The following UVRAG variants were observed in gnomAD, a reference collection of about 807,000 sequenced individuals.
UVRAG encodes the protein UV radiation resistance associated, also known as UV radiation resistance-associated gene protein.
UVRAG carries 19 observed loss-of-function variants against 78.0 expected under a neutral mutation model. The ratio of observed to expected loss-of-function variants is 0.24; its 90% CI spans 0.17 to 0.36. The LOEUF (loss-of-function observed/expected upper bound fraction) is 0.36, where lower values mean the gene tolerates loss of function less well. UVRAG is among the 10% of genes least tolerant of loss of function. The pLI, the probability that UVRAG is intolerant of heterozygous loss-of-function variation, is 1.00. For missense variants in UVRAG, 740 were observed against 853.8 expected, an observed-to-expected ratio of 0.87 and a Z score of 1.66; for synonymous variants, 323 against 324.6, an observed-to-expected ratio of 1.00 and a Z score of 0.05.
intron 1 of UVRAG, among the ~76,000 whole-genome samples, chr11:75,844,928 A>G (rs1946002947): frequency 6.6e-6 from 1 of 152,218 alleles, no homozygotes; most frequent in Non-Finnish European, 1.5e-5. Context: ...GGCCTCCCAA[A>G]GTGCTGGGAT....
chr11:75,995,252 G>C (rs946671382), intron 8 of UVRAG, among the ~76,000 whole-genome samples: 1 of 151,162 alleles, frequency 6.6e-6, no homozygotes, highest in Non-Finnish European at 1.5e-5. Context: ...AAGCCATTTG[G>C]TGGGAATGAC....
At chr11:76,012,122 G>T (rs769815119) in intron 11 of UVRAG, among the ~76,000 whole-genome samples, 7 of 152,010 alleles carry the variant, frequency 4.6e-5, no homozygotes, top group Non-Finnish European at 1.0e-4. Context: ...GGAGTTTGAG[G>T]CTGTAGTGAG....
chr11:75,880,928 CTTT>C (rs773034018), intron 4 of UVRAG, among the ~76,000 whole-genome samples: 65 of 87,696 alleles, frequency 7.4e-4, no homozygotes, highest in African/African-American at 2.1e-3. Context: ...TTATTTACTT[CTTT>C]TTTTTTTTTT....
At chr11:76,026,197 C>A (rs970879820) in intron 12 of UVRAG, among the ~76,000 whole-genome samples, 1 of 152,086 alleles carries the variant, frequency 6.6e-6, no homozygotes, top group Non-Finnish European at 1.5e-5. Flanking sequence ...TAGTGAGTGG[C>A]ACCCAGAATT....
intron 9 of UVRAG, among the ~76,000 whole-genome samples, chr11:76,006,660 CAAAAAAAAAAAAAAA>C (rs762221601): frequency 4.8e-5 from 3 of 62,370 alleles, no homozygotes; most frequent in African/African-American, 2.3e-4. Flanking sequence ...GACCCCGTCT[CAAAAAAAAAAAAAAA>C]AAAAAAAAAA....
chr11:76,116,928 T>TA (rs1234427773), intron 14 of UVRAG, among the ~76,000 whole-genome samples: 1 of 152,230 alleles, frequency 6.6e-6, no homozygotes, highest in East Asian at 1.9e-4. Context: ...TGTCTGGTCT[T>TA]AGATAGGACT....
Position 75,897,234 on chromosome 11 carries a change from T to TGAAAGCCTGAAC in UVRAG, c.507+8332_507+8343dup, listed in dbSNP as rs370405594. Among the ~76,000 whole-genome samples the TGAAAGCCTGAAC allele has an allele frequency of 4.9e-3, 745 of 152,312 alleles. 3 individuals carry two copies. The highest frequency in any genetic ancestry group is 0.016 in the African/African-American group (680 of 41,562). ...GTATAAAAAGTTTCAGGATCTGTTT[T>TGAAAGCCTGAAC]GAAAGCCTGAACAAATGAAAACTCC... On this transcript the variant is annotated intron_variant, in intron 5 of 14. Coordinates refer to ENST00000356136, the MANE Select transcript of UVRAG (RefSeq NM_003369.4).
chr11:75,954,211 G>A (rs751827766), intron 6 of UVRAG, among the ~76,000 whole-genome samples: 7 of 152,182 alleles, frequency 4.6e-5, no homozygotes, highest in Non-Finnish European at 8.8e-5. Flanking sequence ...TGGAGGAAAT[G>A]TGACTCTGTC....
At chr11:76,033,881 C>T (rs544501916) in intron 12 of UVRAG, among the ~76,000 whole-genome samples, 4 of 152,210 alleles carry the variant, frequency 2.6e-5, no homozygotes, top group African/African-American at 9.6e-5. Context: ...AAACTCTCAT[C>T]CTTTGCTTGT....
chr11:75,837,792 TCTCC>T (rs1445965511), intron 1 of UVRAG: 2 of 152,232 alleles, frequency 1.3e-5, no homozygotes, highest in African/African-American at 4.8e-5. Context: ...TTTATAATTC[TCTCC>T]TATATATTCC....
At position 76,144,202 on chromosome 11, in the gene UVRAG, G is replaced by C. The variant is rs181759829; in HGVS notation, c.*2789G>C. On this transcript the variant is annotated 3_prime_UTR_variant, in exon 15 of 15. Coordinates refer to ENST00000356136, the MANE Select transcript of UVRAG (RefSeq NM_003369.4). ...GTAACTGGAAGAAAACTCAGCATCT[G>C]TATTTATACAATAAAATTGATTAGT... Among the ~76,000 whole-genome samples, 16 of 152,322 alleles carry C rather than the reference G, an allele frequency of 1.1e-4. No homozygotes were observed. The highest frequency in any genetic ancestry group is 3.8e-4 in the African/African-American group (16 of 41,574).
intron 12 of UVRAG, among the ~76,000 whole-genome samples, chr11:76,065,109 G>A (rs143072944): frequency 1.9e-3 from 295 of 152,276 alleles, no homozygotes; most frequent in African/African-American, 6.7e-3. Flanking sequence ...GCTCCAGTGA[G>A]GCAGGTTAAA....
At chr11:75,906,159 C>A (rs142795723) in intron 5 of UVRAG, among the ~76,000 whole-genome samples, 91 of 152,186 alleles carry the variant, frequency 6.0e-4, no homozygotes, top group African/African-American at 2.0e-3. Context: ...TCTTTTTCTA[C>A]TTAATTGATA....
intron 14 of UVRAG, among the ~76,000 whole-genome samples, chr11:76,117,584 A>T (rs1952204197): frequency 6.6e-6 from 1 of 152,258 alleles, no homozygotes; most frequent in South Asian, 2.1e-4. Context: ...GCTACTTGGA[A>T]AATGGGGCTT....
chr11:75,885,152 G>A (rs1013090815), intron 4 of UVRAG, among the ~76,000 whole-genome samples: 1 of 151,664 alleles, frequency 6.6e-6, no homozygotes, highest in African/African-American at 2.4e-5. Context: ...TTTTTTGCTA[G>A]TATATGTAGA....
chr11:75,863,450 C>T (rs1946466523), intron 3 of UVRAG, among the ~76,000 whole-genome samples: 1 of 152,040 alleles, frequency 6.6e-6, no homozygotes, highest in East Asian at 1.9e-4. Flanking sequence ...TTTTAATATC[C>T]ATTGCTTTTC....
chr11:75,877,324 C>T (rs571444203), intron 3 of UVRAG, among the ~76,000 whole-genome samples: 5 of 152,212 alleles, frequency 3.3e-5, no homozygotes, highest in Admixed American at 6.5e-5. Flanking sequence ...TTCCACAAAA[C>T]CGCCATTGTC....
At chr11:76,104,824 C>T (rs1228778122) in intron 13 of UVRAG, among the ~76,000 whole-genome samples, 1 of 152,102 alleles carries the variant, frequency 6.6e-6, no homozygotes, top group Non-Finnish European at 1.5e-5. Flanking sequence ...CTTATGTAAT[C>T]CAATTTATAG....
intron 6 of UVRAG, among the ~76,000 whole-genome samples, chr11:75,959,088 G>A (rs552874000): frequency 2.6e-5 from 4 of 152,324 alleles, no homozygotes; most frequent in Non-Finnish European, 4.4e-5. Context: ...CACAGGCAGA[G>A]TAGATTTAGC....
Sources: allele counts gnomAD v4.1 joint callset (sites outside exome capture counted in the v4.1 genomes callset), GRCh38; gene constraint gnomAD v4.1.1; transcripts MANE v1.5; gene names NCBI Gene and HGNC (gene_info 2026-07-23, HGNC 2026-07-21).